COLGALT2: variants seen among roughly 807,000 people sequenced by gnomAD.
COLGALT2 encodes the protein collagen beta(1-O)galactosyltransferase 2.
A neutral mutation model predicts 73.4 loss-of-function variants in COLGALT2; 49 were observed. That is an observed-to-expected ratio of 0.67 (90% CI 0.53 to 0.85). The LOEUF (loss-of-function observed/expected upper bound fraction) is 0.85, where lower values mean the gene tolerates loss of function less well. COLGALT2 is among the 40% of genes least tolerant of loss of function. COLGALT2 has a pLI of 0.00. For missense variants in COLGALT2, 722 were observed against 790.2 expected (o/e 0.91, Z 1.03); for synonymous variants, 295 against 307.6 (o/e 0.96, Z 0.43).
intron 1 of COLGALT2, among the ~76,000 whole-genome samples, chr1:184,027,034 T>C (rs558558062): frequency 6.6e-6 from 1 of 152,310 alleles, no homozygotes; most frequent in African/African-American, 2.4e-5. Context: ...GGCATTGTCT[T>C]TTAAAAAATC....
intron 11 of COLGALT2, 85 bp from the exon 12 acceptor site, chr1:183,939,122 G>A (rs559777841): frequency 3.3e-6 from 3 of 898,870 alleles, no homozygotes; most frequent in Non-Finnish European, 5.2e-6. Flanking sequence ...AGGCCTCCTG[G>A]TTACCTCATG....
chr1:183,950,244 C>G (rs74133054), intron 8 of COLGALT2, among the ~76,000 whole-genome samples: 2,439 of 152,154 alleles, frequency 0.016, 66 homozygotes, highest in African/African-American at 0.056. Context: ...TCCGTGGGGA[C>G]TCTGATGTGA....
chr1:183,993,437 G>A (rs1452341951), intron 1 of COLGALT2, among the ~76,000 whole-genome samples: 2 of 152,190 alleles, frequency 1.3e-5, no homozygotes, highest in African/African-American at 2.4e-5. Flanking sequence ...CTTTCATTGG[G>A]GTGTGTCTTT....
intron 4 of COLGALT2, among the ~76,000 whole-genome samples, 189 bp downstream of exon 4, chr1:183,973,427 C>T (rs1227944849): frequency 6.6e-6 from 1 of 152,040 alleles, no homozygotes; most frequent in Non-Finnish European, 1.5e-5. Flanking sequence ...TAAATTAACA[C>T]AGAAGAGCCC....
rs185426164 is a variant in COLGALT2 at position 183,988,198 on chromosome 1, C to G, written c.264-9678G>C. Among the ~76,000 whole-genome samples, 482 of 152,220 alleles carry G rather than the reference C, an allele frequency of 3.2e-3. 6 individuals are homozygous for G. Among genetic ancestry groups the G allele is most frequent in the Admixed American group, 0.018 (271 of 15,282 alleles). On this transcript the variant is annotated intron_variant, in intron 1 of 11. Coordinates refer to ENST00000361927, the MANE Select transcript of COLGALT2 (RefSeq NM_015101.4). ...ATGTAACTAATTCTCTCAACCCAGT[C>G]TAATATCAAGAGAATTGGAAAGAAG...
intron 4 of COLGALT2, among the ~76,000 whole-genome samples, chr1:183,971,803 G>A (rs970502416): frequency 2.0e-5 from 3 of 152,254 alleles, no homozygotes; most frequent in Admixed American, 6.5e-5. Flanking sequence ...CAAAAATCAC[G>A]TTAATCCCCA....
intron 1 of COLGALT2, among the ~76,000 whole-genome samples, chr1:183,989,044 C>G (rs1558327446): frequency 1.3e-5 from 2 of 152,194 alleles, no homozygotes; most frequent in Non-Finnish European, 2.9e-5. Context: ...CTTAGAGACT[C>G]TCTTCCAAAG....
At position 184,030,717 on chromosome 1, in the gene COLGALT2, T is replaced by C. The variant is rs543115114; in HGVS notation, c.263+6378A>G. On this transcript the variant is annotated intron_variant, in intron 1 of 11. Transcript: ENST00000361927. ...TATTTGGAGTCACAAAGAAACTCCC[T>C]GGCCTAATCACTTGGATAAAGGAGC... Among the ~76,000 whole-genome samples the C allele has an allele frequency of 2.8e-4, 42 of 152,302 alleles. No homozygotes were observed. The South Asian group carries it at 7.3e-3, about 26-fold the overall frequency.
At position 183,936,874 on chromosome 1, in the gene COLGALT2, G is replaced by A; in HGVS notation, c.*1887C>T. 1 of 1,231,746 alleles carries A rather than the reference G, an allele frequency of 8.1e-7. No homozygotes were observed. The highest frequency in any genetic ancestry group is 1.0e-6 in the Non-Finnish European group (1 of 988,032). The allele number at this position is 1,231,746 out of a possible 1,614,324, so 76.3% of individuals were successfully genotyped here. ...TAGAAGGGTACCCACAGTGAGTCGG[G>A]AAGGAAGGCCGAGGCTGGCGTCTGG... On this transcript the variant is annotated 3_prime_UTR_variant, in exon 12 of 12. Transcript: ENST00000361927.
intron 6 of COLGALT2, among the ~76,000 whole-genome samples, chr1:183,959,134 G>C (rs1670629776): frequency 1.3e-5 from 2 of 151,986 alleles, no homozygotes; most frequent in Admixed American, 1.3e-4. Flanking sequence ...CAGCATCTTG[G>C]CTCCGTCTTG....
chr1:183,969,530 C>T (rs1670979846), intron 4 of COLGALT2, 57 bp from the exon 5 acceptor site: 3 of 1,467,528 alleles, frequency 2.0e-6, no homozygotes, highest in South Asian at 2.6e-5. Context: ...TCATCCTTCT[C>T]AGTCATTTGC....
Position 184,037,254 on chromosome 1 carries a change from G to C in COLGALT2, c.104C>G (p.Ser35Trp), listed in dbSNP as rs1170481960. Residue 35 changes from serine to tryptophan, a missense_variant, in exon 1 of 12, where the codon TCG becomes TGG. Ser to Trp is a radical substitution (Grantham distance 177). Transcript: ENST00000361927. ...CACCGGCTCCTCTCCGTCGTCCTCC[G>C]AGTCCCGCTCGGCGACGAAGCGCGC... ...CRARFVAERDSEDDGEEPVVF... is the reference protein window; with the variant it reads ...CRARFVAERDWEDDGEEPVVF... The C allele has an allele frequency of 6.3e-7, 1 of 1,575,828 alleles. No homozygotes were observed.
chr1:183,950,705 T>C (rs1670372709), intron 8 of COLGALT2, among the ~76,000 whole-genome samples: 1 of 152,130 alleles, frequency 6.6e-6, no homozygotes, highest in African/African-American at 2.4e-5. Flanking sequence ...ATTCCTTCTG[T>C]TACACTACAG....
chr1:183,954,863 A>T (rs1208185959), intron 6 of COLGALT2, 25 bp from the exon 7 acceptor site: 3 of 1,570,288 alleles, frequency 1.9e-6, no homozygotes, highest in Non-Finnish European at 2.6e-6. Context: ...AAACATGCAG[A>T]GTGCTTTGTT....
intron 1 of COLGALT2, among the ~76,000 whole-genome samples, chr1:183,986,671 G>C (rs559173536): frequency 5.3e-5 from 8 of 152,066 alleles, no homozygotes; most frequent in Admixed American, 2.6e-4. Context: ...CTCATGATTC[G>C]GAGATATATT....
At chr1:184,033,737 G>C (rs933005527) in intron 1 of COLGALT2, among the ~76,000 whole-genome samples, 1 of 152,136 alleles carries the variant, frequency 6.6e-6, no homozygotes, top group Admixed American at 6.5e-5. Flanking sequence ...CACATAACAG[G>C]GGAGTCTGAA....
In COLGALT2 at chr1:183,951,764, A is replaced by G. The variant is rs1358611766; in HGVS notation, c.1030-651T>C. 2.0e-5 allele frequency among the ~76,000 whole-genome samples: 3 copies of G among 152,368 alleles called. No individual in the cohort carries two copies. In the East Asian group the frequency reaches 5.8e-4, roughly 29 times the overall value. ...AATAATTAATATTGCTAAAATGTCC[A>G]TACTATCAAATGTGATAAACAGATT... On this transcript the variant is annotated intron_variant, in intron 7 of 11. Coordinates refer to ENST00000361927, the MANE Select transcript of COLGALT2 (RefSeq NM_015101.4).
intron 9 of COLGALT2, among the ~76,000 whole-genome samples, chr1:183,945,168 A>G (rs1670215221): frequency 6.6e-6 from 1 of 152,202 alleles, no homozygotes; most frequent in African/African-American, 2.4e-5. Flanking sequence ...CATTCCTGCT[A>G]ATGATGATAA....
intron 1 of COLGALT2, among the ~76,000 whole-genome samples, chr1:184,025,921 C>T (rs1049975570): frequency 6.6e-6 from 1 of 152,194 alleles, no homozygotes; most frequent in African/African-American, 2.4e-5. Context: ...CAGGAAAGGA[C>T]TCAGAGAACA....
Sources: gnomAD v4.1 joint callset for allele counts (sites outside exome capture counted in the v4.1 genomes callset) on GRCh38, gnomAD v4.1.1 for gene constraint, MANE v1.5 for transcripts, NCBI Gene and HGNC (gene_info 2026-07-23, HGNC 2026-07-21) for gene names.